NMBR: variants seen among roughly 807,000 people sequenced by gnomAD.
NMBR encodes neuromedin B receptor, also known as neuromedin-B receptor.
In NMBR, 16 loss-of-function variants were observed where a neutral mutation model predicts 20.5. The ratio of observed to expected loss-of-function variants is 0.78; its 90% CI spans 0.53 to 1.19. NMBR has a LOEUF of 1.19. Ranked by LOEUF, NMBR falls within the 50% of genes most tolerant of loss-of-function variation. The pLI, the probability that NMBR is intolerant of heterozygous loss-of-function variation, is 0.00. For missense variants in NMBR, 582 were observed against 499.1 expected (o/e 1.17, Z -1.58); for synonymous variants, 212 against 196.6 (o/e 1.08, Z -0.65).
intron 1 of NMBR, chr6:142,134,138 G>A (rs1778203167): frequency 2.3e-5 from 12 of 511,952 alleles, no homozygotes; most frequent in Admixed American, 1.3e-4. Context: ...CAGGTTTTTT[G>A]TTCCTAAGGA....
chr6:142,132,379 G>C (rs541344305), intron 1 of NMBR, among the ~76,000 whole-genome samples: 1 of 152,136 alleles, frequency 6.6e-6, no homozygotes, highest in African/African-American at 2.4e-5. Flanking sequence ...TCTTACAGAT[G>C]ATGTATCTGC....
chr6:142,075,829 A>C lies in NMBR; in HGVS notation c.992T>G (p.Phe331Cys). 6.2e-7 allele frequency: 1 copy of C among 1,614,064 alleles called. No homozygotes were observed. The highest frequency in any genetic ancestry group is 8.5e-7 in the Non-Finnish European group (1 of 1,179,958). Reference protein sequence around the residue: ...PFALYLLSESFRRHFNSQLCC... With the variant: ...PFALYLLSESCRRHFNSQLCC... ...GAGTTGGCTGTTGAAATGCCTCCTG[A>C]AGCTTTCACTGAGTAGGTAAAGAGC... Residue 331 changes from phenylalanine (F) to cysteine (C), a missense_variant, in exon 4 of 4, where the codon TTC becomes TGC. By Grantham distance (205) the Phe-to-Cys change is radical. Coordinates refer to ENST00000258042, the MANE Select transcript of NMBR (RefSeq NM_002511.4).
chr6:142,101,693 G>A (rs1280906964), intron 1 of NMBR, among the ~76,000 whole-genome samples: 3 of 152,142 alleles, frequency 2.0e-5, no homozygotes, highest in Non-Finnish European at 2.9e-5. Context: ...TAGGGCATGA[G>A]CTCAATCCAA....
intron 1 of NMBR, among the ~76,000 whole-genome samples, chr6:142,137,304 A>T (rs1476194867): frequency 2.0e-5 from 3 of 151,916 alleles, no homozygotes; most frequent in African/African-American, 7.3e-5. Context: ...TTTGTCTGTT[A>T]TTGGTGTCTA....
intron 1 of NMBR, among the ~76,000 whole-genome samples, chr6:142,091,610 G>A (rs1777324938): frequency 6.6e-6 from 1 of 151,962 alleles, no homozygotes; most frequent in Non-Finnish European, 1.5e-5. Flanking sequence ...CAATATTCCT[G>A]GATAAAAATA....
chr6:142,085,742 GT>G (rs920071494), intron 2 of NMBR, among the ~76,000 whole-genome samples: 4 of 151,970 alleles, frequency 2.6e-5, no homozygotes, highest in East Asian at 1.9e-4. Flanking sequence ...ATCTTCCTGG[GT>G]TTTTTTCTAT....
intron 1 of NMBR, among the ~76,000 whole-genome samples, chr6:142,098,630 C>T (rs1777503740): frequency 6.6e-6 from 1 of 151,922 alleles, no homozygotes; most frequent in Non-Finnish European, 1.5e-5. Flanking sequence ...TTTGCATGAT[C>T]CATAAAAGGA....
At chr6:142,142,379 C>G (rs923737625) in intron 1 of NMBR, among the ~76,000 whole-genome samples, 1 of 152,082 alleles carries the variant, frequency 6.6e-6, no homozygotes, top group Admixed American at 6.5e-5. Context: ...AATATATTTA[C>G]AAATAGGATC....
intron 3 of NMBR, among the ~76,000 whole-genome samples, chr6:142,077,554 T>C (rs1315551651): frequency 6.6e-6 from 1 of 152,146 alleles, no homozygotes; most frequent in Non-Finnish European, 1.5e-5. Flanking sequence ...CCTTCAATAA[T>C]TGGGTGATTT....
chr6:142,077,038 C>T (rs895840468), intron 3 of NMBR, among the ~76,000 whole-genome samples: 3 of 152,162 alleles, frequency 2.0e-5, no homozygotes, highest in African/African-American at 7.2e-5. Context: ...TGTGATGTTC[C>T]ACATGGATCC....
intron 1 of NMBR, among the ~76,000 whole-genome samples, chr6:142,118,420 TC>T (rs1245707961): frequency 6.6e-6 from 1 of 152,000 alleles, no homozygotes; most frequent in African/African-American, 2.4e-5. Flanking sequence ...TGTCTCATAA[TC>T]GAAGAACCTG....
Position 142,078,640 on chromosome 6 carries a change from C to T in NMBR, c.686G>A (p.Ser229Asn), listed in dbSNP as rs778528116. 8 of 1,612,818 alleles carry T rather than the reference C, an allele frequency of 5.0e-6. No individual in the cohort carries two copies. The highest frequency in any genetic ancestry group is 5.9e-6 in the Non-Finnish European group (7 of 1,179,068). Residue 229 changes from serine (S) to asparagine (N), a missense_variant, in exon 3 of 4, where the codon AGC becomes AAC. By Grantham distance (46) the Ser-to-Asn change is conservative (BLOSUM62 1). Coordinates refer to ENST00000258042, the MANE Select transcript of NMBR (RefSeq NM_002511.4). Reference sequence around the variant, plus strand: ...CTTTGCAATATGATAATAATAAATGCTAATAATAGCAAGTGGTATGAGGAA... The same window carrying T: ...CTTTGCAATATGATAATAATAAATGTTAATAATAGCAAGTGGTATGAGGAA... ...VYFLIPLAII[S>N]IYYYHIAKTL...
chr6:142,084,809 A>G (rs565962192), intron 2 of NMBR, among the ~76,000 whole-genome samples: 10 of 152,330 alleles, frequency 6.6e-5, no homozygotes, highest in African/African-American at 2.4e-4. Flanking sequence ...CTATAACGCC[A>G]ACCAGGAGCA....
chr6:142,092,627 TC>T (rs991171500), intron 1 of NMBR, among the ~76,000 whole-genome samples: 2 of 152,126 alleles, frequency 1.3e-5, no homozygotes, highest in African/African-American at 4.8e-5. Flanking sequence ...AAAACAGTGA[TC>T]CCTAAGACAG....
chr6:142,108,922 C>T (rs1777709916), intron 1 of NMBR, among the ~76,000 whole-genome samples: 1 of 152,190 alleles, frequency 6.6e-6, no homozygotes, highest in African/African-American at 2.4e-5. Flanking sequence ...AAGTTACTTA[C>T]TTCCTAGATA....
chr6:142,133,618 A>G (rs1778187200), intron 1 of NMBR, among the ~76,000 whole-genome samples: 2 of 152,184 alleles, frequency 1.3e-5, no homozygotes, highest in African/African-American at 4.8e-5. Flanking sequence ...AATATTTCCA[A>G]AATTACACAT....
intron 1 of NMBR, among the ~76,000 whole-genome samples, chr6:142,141,677 TG>T (rs1224152303): frequency 1.3e-5 from 2 of 152,132 alleles, no homozygotes; most frequent in Non-Finnish European, 2.9e-5. Context: ...GCTAATTTTT[TG>T]TATTTTTAGT....
chr6:142,107,633 A>G lies in NMBR; in HGVS notation c.-663-18312T>C, dbSNP rs959894040. 7.2e-5 allele frequency among the ~76,000 whole-genome samples: 11 copies of G among 152,284 alleles called. No homozygotes were observed. In the East Asian group the frequency reaches 1.5e-3, roughly 21 times the overall value. ...TCCATATACAGATTTACTACAGTAT[A>G]TTTTCTAAAATGTCTAGTTTTCAAC... is the stretch of plus-strand genomic sequence containing the variant. On this transcript the variant is annotated intron_variant, in intron 1 of 3. Coordinates refer to ENST00000258042, the MANE Select transcript of NMBR (RefSeq NM_002511.4).
intron 3 of NMBR, 65 bp from the exon 4 acceptor site, chr6:142,076,114 T>C: frequency 1.4e-6 from 2 of 1,453,310 alleles, no homozygotes; most frequent in Admixed American, 2.3e-5. Context: ...ATACCAACTT[T>C]ATCAAGTCAG....
Sources: gnomAD v4.1 joint callset for allele counts (sites outside exome capture counted in the v4.1 genomes callset) on GRCh38, gnomAD v4.1.1 for gene constraint, MANE v1.5 for transcripts, NCBI Gene and HGNC (gene_info 2026-07-23, HGNC 2026-07-21) for gene names.